Variants in ERBB4 observed in about 807,000 individuals in gnomAD.
ERBB4 encodes erb-b2 receptor tyrosine kinase 4, also known as receptor tyrosine-protein kinase erbB-4.
In ERBB4, 42 loss-of-function variants were observed where a neutral mutation model predicts 158.0. That is an observed-to-expected ratio of 0.27 (90% CI 0.21 to 0.34). ERBB4 has a LOEUF of 0.34. Among genes scored for constraint, ERBB4 ranks in the 10% least tolerant of loss-of-function variants. The pLI, the probability that ERBB4 is intolerant of heterozygous loss-of-function variation, is 1.00. For missense variants in ERBB4, 1,333 were observed against 1,624.1 expected (o/e 0.82, Z 3.08); for synonymous variants, 583 against 558.7 (o/e 1.04, Z -0.61).
intron 4 of ERBB4, among the ~76,000 whole-genome samples, chr2:211,750,966 C>T (rs1457438644): frequency 2.0e-5 from 3 of 152,112 alleles, no homozygotes; most frequent in Admixed American, 1.3e-4. Flanking sequence ...TGTGAATTTT[C>T]TCAGGAAATC....
At chr2:211,917,494 G>A (rs2079729730) in intron 3 of ERBB4, among the ~76,000 whole-genome samples, 1 of 152,100 alleles carries the variant, frequency 6.6e-6, no homozygotes, top group African/African-American at 2.4e-5. Context: ...ACAAAATATG[G>A]AGACATTAAG....
chr2:212,244,473 T>A (rs373838958), intron 1 of ERBB4, among the ~76,000 whole-genome samples: 1 of 152,166 alleles, frequency 6.6e-6, no homozygotes, highest in African/African-American at 2.4e-5. Context: ...TGTTAAAAAG[T>A]TGGGGAATGG....
chr2:212,520,372 C>A (rs923110933), intron 1 of ERBB4, among the ~76,000 whole-genome samples: 1 of 151,846 alleles, frequency 6.6e-6, no homozygotes, highest in African/African-American at 2.4e-5. Context: ...AGGTTATTTG[C>A]ATGTAAAAAT....
chr2:211,466,052 G>T (rs1489681265), intron 20 of ERBB4, among the ~76,000 whole-genome samples: 1 of 152,094 alleles, frequency 6.6e-6, no homozygotes, highest in Non-Finnish European at 1.5e-5. Flanking sequence ...TTGGCAAAAG[G>T]GTAGGAAGCA....
chr2:211,474,490 G>A (rs939129485), intron 20 of ERBB4, among the ~76,000 whole-genome samples: 3 of 151,940 alleles, frequency 2.0e-5, no homozygotes, highest in African/African-American at 7.3e-5. Context: ...CTTTAAAGAA[G>A]TTAATTATTA....
chr2:212,462,082 A>G lies in ERBB4; in HGVS notation c.82+76367T>C, dbSNP rs1028315763. On this transcript the variant is annotated intron_variant, in intron 1 of 27. Coordinates refer to ENST00000342788, the MANE Select transcript of ERBB4 (RefSeq NM_005235.3). ...GTGAAAATGGACTAATACATCTACC[A>G]TATACAATATACAAAAACCAACTTT... Among the ~76,000 whole-genome samples, 20 of 150,994 alleles carry G rather than the reference A, an allele frequency of 1.3e-4. 1 individual carries two copies. Among genetic ancestry groups the G allele is most frequent in the Non-Finnish European group, 8.8e-5 (6 of 68,014 alleles).
chr2:212,352,409 G>T (rs1329915708), intron 1 of ERBB4, among the ~76,000 whole-genome samples: 2 of 150,022 alleles, frequency 1.3e-5, no homozygotes, highest in Non-Finnish European at 3.0e-5. Flanking sequence ...TTGACCAACA[G>T]ACCAGAAGTT....
At chr2:211,895,606 A>G (rs576208313) in intron 3 of ERBB4, among the ~76,000 whole-genome samples, 2 of 152,216 alleles carry the variant, frequency 1.3e-5, no homozygotes, top group Non-Finnish European at 2.9e-5. Flanking sequence ...TGGACTCTTT[A>G]GACAACAGCA....
chr2:212,238,783 C>G (rs2083974456), intron 1 of ERBB4, among the ~76,000 whole-genome samples: 1 of 151,768 alleles, frequency 6.6e-6, no homozygotes, highest in Non-Finnish European at 1.5e-5. Flanking sequence ...ATCAGCAAGA[C>G]TTTTATGTTG....
At chr2:211,947,127 T>A (rs1445116450) in intron 3 of ERBB4, among the ~76,000 whole-genome samples, 3 of 152,154 alleles carry the variant, frequency 2.0e-5, no homozygotes, top group Non-Finnish European at 4.4e-5. Flanking sequence ...TGGTCCACTG[T>A]TCACCTGAAA....
At chr2:211,643,738 T>C (rs1218379856) in intron 16 of ERBB4, among the ~76,000 whole-genome samples, 1 of 152,002 alleles carries the variant, frequency 6.6e-6, no homozygotes, top group Non-Finnish European at 1.5e-5. Context: ...CTTTTCTGAA[T>C]GCTTACATTG....
chr2:212,014,520 T>C (rs2076463194), intron 2 of ERBB4, among the ~76,000 whole-genome samples: 1 of 152,240 alleles, frequency 6.6e-6, no homozygotes, highest in African/African-American at 2.4e-5. Flanking sequence ...ATAGCTTGGA[T>C]ACTTTATGCT....
At chr2:212,335,403 T>C (rs896806335) in intron 1 of ERBB4, among the ~76,000 whole-genome samples, 3 of 151,946 alleles carry the variant, frequency 2.0e-5, no homozygotes, top group Non-Finnish European at 4.4e-5. Flanking sequence ...ATACAGAAAC[T>C]AATGATTTGT....
chr2:212,261,316 G>A (rs559018199), intron 1 of ERBB4, among the ~76,000 whole-genome samples: 60 of 152,250 alleles, frequency 3.9e-4, no homozygotes, highest in Admixed American at 8.5e-4. Context: ...AATGCTCAGT[G>A]GTTTAAAATT....
chr2:211,753,608 A>C (rs2106217686), intron 4 of ERBB4, among the ~76,000 whole-genome samples: 1 of 152,068 alleles, frequency 6.6e-6, no homozygotes, highest in South Asian at 2.1e-4. Flanking sequence ...TCCCAATCTA[A>C]TTCCCAGGGG....
At chr2:211,940,695 T>G (rs970952337) in intron 3 of ERBB4, among the ~76,000 whole-genome samples, 5 of 152,156 alleles carry the variant, frequency 3.3e-5, no homozygotes, top group Non-Finnish European at 7.3e-5. Context: ...CAGATCATCT[T>G]GCCAGTCATG....
At chr2:211,808,684 T>C (rs2076676937) in intron 3 of ERBB4, among the ~76,000 whole-genome samples, 1 of 152,240 alleles carries the variant, frequency 6.6e-6, no homozygotes, top group African/African-American at 2.4e-5. Context: ...GGTAGCTTCA[T>C]GGGGATGGCA....
chr2:211,477,444 A>T (rs534435088), intron 20 of ERBB4, among the ~76,000 whole-genome samples: 1 of 152,168 alleles, frequency 6.6e-6, no homozygotes, highest in Admixed American at 6.6e-5. Context: ...CAGAATATAC[A>T]AAAGGAAAAA....
chr2:211,903,199 C>T (rs1298484618), intron 3 of ERBB4, among the ~76,000 whole-genome samples: 7 of 152,000 alleles, frequency 4.6e-5, no homozygotes, highest in Non-Finnish European at 1.0e-4. Context: ...AAAAGTACTG[C>T]TTGAATAGGC....
Sources: allele counts gnomAD v4.1 joint callset (sites outside exome capture counted in the v4.1 genomes callset), GRCh38; gene constraint gnomAD v4.1.1; transcripts MANE v1.5; gene names NCBI Gene and HGNC (gene_info 2026-07-23, HGNC 2026-07-21).